The following CTCF variants were observed in gnomAD, a reference collection of about 807,000 sequenced individuals.
CTCF encodes CCCTC-binding factor.
Under a neutral mutation model 72.3 loss-of-function variants are expected in CTCF, and 7 were observed. The ratio of observed to expected loss-of-function variants is 0.10; its 90% CI spans 0.06 to 0.18. The LOEUF (loss-of-function observed/expected upper bound fraction) is 0.18, where lower values mean the gene tolerates loss of function less well. Among genes scored for constraint, CTCF ranks in the 10% least tolerant of loss-of-function variants. The pLI, the probability that CTCF is intolerant of heterozygous loss-of-function variation, is 1.00. For synonymous variants in CTCF, 374 were observed against 315.8 expected (o/e 1.18, Z -1.95); for missense variants, 516 against 949.1 (o/e 0.54, Z 6.00).
At chr16:67,591,034 C>T (rs1051543500) in intron 2 of CTCF, among the ~76,000 whole-genome samples, 1 of 147,140 alleles carries the variant, frequency 6.8e-6, no homozygotes, top group Admixed American at 6.9e-5. Context: ...CGTGAGCCAC[C>T]GTAATCCCAG....
At chr16:67,597,814 C>G (rs1453613116) in intron 2 of CTCF, among the ~76,000 whole-genome samples, 1 of 152,116 alleles carries the variant, frequency 6.6e-6, no homozygotes, top group Non-Finnish European at 1.5e-5. Flanking sequence ...TGGATTCTCT[C>G]TTCTGTTTAA....
chr16:67,615,789 T>C (rs1376940744), intron 4 of CTCF: 1 of 152,216 alleles, frequency 6.6e-6, no homozygotes, highest in Non-Finnish European at 1.5e-5. Context: ...TTGGAATTGC[T>C]TAGTTTTTAT....
At chr16:67,617,081 G>T (rs1285176917) in intron 5 of CTCF, among the ~76,000 whole-genome samples, 1 of 152,222 alleles carries the variant, frequency 6.6e-6, no homozygotes, top group Non-Finnish European at 1.5e-5. Flanking sequence ...CAAGTTTCTG[G>T]CTGGGTGCGG....
chr16:67,583,664 G>A (rs1002595253), intron 2 of CTCF, among the ~76,000 whole-genome samples: 4 of 151,652 alleles, frequency 2.6e-5, no homozygotes, highest in African/African-American at 9.7e-5. Flanking sequence ...TCCAGCCTGG[G>A]CGACAGAGTG....
At chr16:67,627,484 C>T (rs1239069632) in intron 8 of CTCF, 1 of 151,434 alleles carries the variant, frequency 6.6e-6, no homozygotes, top group East Asian at 2.0e-4. Context: ...GAGCGAGACT[C>T]TGTCTCCAAA....
chr16:67,587,763 A>G (rs1213677907), intron 2 of CTCF, among the ~76,000 whole-genome samples: 2 of 152,140 alleles, frequency 1.3e-5, no homozygotes, highest in Non-Finnish European at 2.9e-5. Flanking sequence ...ATTCTCCACA[A>G]AAAGGGGGAA....
At chr16:67,584,337 C>CTTCTTCTTTTTTTTT (rs1462998203) in intron 2 of CTCF, among the ~76,000 whole-genome samples, 1 of 105,860 alleles carries the variant, frequency 9.4e-6, no homozygotes, top group African/African-American at 4.3e-5. Context: ...AAAAAGTCTT[C>CTTCTTCTTTTTTTTT]TTTTTTTTTT....
intron 2 of CTCF, among the ~76,000 whole-genome samples, chr16:67,597,511 G>A (rs2051830859): frequency 6.6e-6 from 1 of 152,036 alleles, no homozygotes. Context: ...GTTAATTTCT[G>A]TATTTTTAGT....
intron 2 of CTCF, among the ~76,000 whole-genome samples, chr16:67,600,562 A>G (rs953457362): frequency 6.6e-6 from 1 of 151,682 alleles, no homozygotes; most frequent in African/African-American, 2.4e-5. Context: ...ATTTGTTTTT[A>G]GAGATGGGGT....
At chr16:67,566,057 ATCTG>A (rs2051339143) in intron 1 of CTCF, among the ~76,000 whole-genome samples, 1 of 152,152 alleles carries the variant, frequency 6.6e-6, no homozygotes, top group Non-Finnish European at 1.5e-5. Flanking sequence ...AAACTAGACC[ATCTG>A]TCTGCCTAAT....
intron 2 of CTCF, among the ~76,000 whole-genome samples, chr16:67,594,006 T>C (rs553495850): frequency 1.3e-5 from 2 of 152,324 alleles, no homozygotes; most frequent in South Asian, 4.1e-4. Flanking sequence ...TAAACCTTAA[T>C]ATCTTCAAAA....
intron 4 of CTCF, among the ~76,000 whole-genome samples, chr16:67,613,155 C>T (rs2052083476): frequency 1.3e-5 from 2 of 152,190 alleles, no homozygotes; most frequent in African/African-American, 2.4e-5. Flanking sequence ...GTGCACTAAA[C>T]CTCTCTTTAA....
chr16:67,620,585 T>C (rs1281467062), intron 5 of CTCF, 112 bp from the exon 6 acceptor site: 1 of 804,230 alleles, frequency 1.2e-6, no homozygotes, highest in Non-Finnish European at 1.9e-6. Context: ...CTTTTAGACT[T>C]CTGTATTCTG....
chr16:67,609,814 C>CG (rs1555533939), intron 2 of CTCF, among the ~76,000 whole-genome samples: 1 of 151,824 alleles, frequency 6.6e-6, no homozygotes, highest in Non-Finnish European at 1.5e-5. Flanking sequence ...TTAGTAGAGA[C>CG]GGGGTTTCAC....
At position 67,616,742 on chromosome 16, in the gene CTCF, T is replaced by C. The variant is rs1567610865; in HGVS notation, c.953-3T>C. 7.4e-6 allele frequency: 12 copies of C among 1,614,090 alleles called. No homozygotes were observed. Among genetic ancestry groups the C allele is most frequent in the South Asian group, 2.2e-5 (2 of 91,086 alleles). ...TCTTCCTGTTACTCCATCCTTTCTCTAGGTACTCGTCCTCACAAGTGCCCA... is the reference window on the plus strand; with the variant it reads ...TCTTCCTGTTACTCCATCCTTTCTCCAGGTACTCGTCCTCACAAGTGCCCA... On this transcript the variant is annotated splice_region_variant and splice_polypyrimidine_tract_variant and intron_variant, in intron 4 of 11. Transcript: ENST00000264010.
chr16:67,624,755 A>AT (rs1229093583), intron 7 of CTCF, among the ~76,000 whole-genome samples: 20 of 146,112 alleles, frequency 1.4e-4, no homozygotes, highest in African/African-American at 2.3e-4. Flanking sequence ...TGACCAGCTA[A>AT]TTTTTTTTTT....
chr16:67,568,600 G>C (rs1477662931), intron 1 of CTCF: 1 of 152,268 alleles, frequency 6.6e-6, no homozygotes, highest in Non-Finnish European at 1.5e-5. Flanking sequence ...CGTTGGCCAG[G>C]GTGGTCTCGA....
intron 2 of CTCF, among the ~76,000 whole-genome samples, chr16:67,601,252 G>GTGTGT (rs201556166): frequency 2.9e-5 from 4 of 136,958 alleles, no homozygotes; most frequent in Non-Finnish European, 6.2e-5. Context: ...GTGTGTGTGT[G>GTGTGT]TGTTTTGTTT....
At chr16:67,569,952 T>C (rs889332051) in intron 1 of CTCF, among the ~76,000 whole-genome samples, 1 of 152,130 alleles carries the variant, frequency 6.6e-6, no homozygotes, top group Admixed American at 6.6e-5. Context: ...TCCCCAGTTA[T>C]CTTACTAAAC....
Sources: gnomAD v4.1 joint callset for allele counts (sites outside exome capture counted in the v4.1 genomes callset) on GRCh38, gnomAD v4.1.1 for gene constraint, MANE v1.5 for transcripts, NCBI Gene and HGNC (gene_info 2026-07-23, HGNC 2026-07-21) for gene names.